Variants in S100B observed in about 807,000 individuals in gnomAD.
S100B encodes S100 calcium binding protein B.
A neutral mutation model predicts 7.7 loss-of-function variants in S100B; 6 were observed. The ratio of observed to expected loss-of-function variants is 0.78; its 90% CI spans 0.43 to 1.54. The LOEUF is 1.54. Ranked by LOEUF, S100B falls within the 40% of genes most tolerant of loss-of-function variation. The pLI, the probability that S100B is intolerant of heterozygous loss-of-function variation, is 0.01. For synonymous variants in S100B, 36 were observed against 40.4 expected, an observed-to-expected ratio of 0.89 and a Z score of 0.41; for missense variants, 99 against 111.8, an observed-to-expected ratio of 0.89 and a Z score of 0.52.
chr21:46,599,101 C>T lies in S100B; in HGVS notation c.*262G>A. On this transcript the variant is annotated 3_prime_UTR_variant, in exon 3 of 3. Transcript: ENST00000291700. The stretch of plus-strand genomic sequence containing the variant: ...ACGGTGCACGCTTTATCACTGAGAC[C>T]TGACTCCTAAGTTACTGTTAACAAG... 2.0e-6 allele frequency: 1 copy of T among 495,892 alleles called. No homozygotes were observed. The highest frequency in any genetic ancestry group is 3.5e-6 in the Non-Finnish European group (1 of 281,808). 30.7% of individuals were successfully genotyped at this position (495,892 alleles called of 1,614,324 possible).
chr21:46,604,619 A>G (rs1003924176), intron 1 of S100B, among the ~76,000 whole-genome samples: 2 of 152,212 alleles, frequency 1.3e-5, no homozygotes, highest in African/African-American at 4.8e-5. Context: ...GCATTTATTT[A>G]TGATATAGGA....
chr21:46,599,556 C>T lies in S100B; in HGVS notation c.139-53G>A, dbSNP rs2061035962. ...CTTGTTTTTAAATGGAATTTTGGAC[C>T]ATCAAAACATGATTAAAAGTTGAGT... is the stretch of plus-strand genomic sequence containing the variant. On this transcript the variant is annotated intron_variant, in intron 2 of 2. Transcript: ENST00000291700. 2.0e-6 allele frequency: 3 copies of T among 1,522,634 alleles called. No individual in the cohort carries two copies. In the Admixed American group the frequency reaches 5.1e-5, roughly 26 times the overall value. 94.3% of individuals were successfully genotyped at this position (1,522,634 alleles called of 1,614,324 possible). A position where few individuals can be genotyped will look rare whatever the true frequency, so the allele number is the denominator to read the frequency against.
intron 2 of S100B, chr21:46,600,187 C>T (rs531490022): frequency 3.1e-5 from 9 of 287,534 alleles, no homozygotes; most frequent in South Asian, 5.6e-5. Flanking sequence ...AACAATTCTC[C>T]GGGATAGGAA....
At chr21:46,603,432 AAAGT>A (rs1348437408) in intron 1 of S100B, among the ~76,000 whole-genome samples, 4 of 113,188 alleles carry the variant, frequency 3.5e-5, no homozygotes, top group South Asian at 3.6e-4. Context: ...TGCAGCTGTC[AAAGT>A]AAGAGCCCCC....
chr21:46,604,365 T>G (rs536106201), intron 1 of S100B, among the ~76,000 whole-genome samples: 1 of 152,328 alleles, frequency 6.6e-6, no homozygotes, highest in African/African-American at 2.4e-5. Context: ...GAAAGACAAG[T>G]TACCTAGCGT....
At position 46,599,218 on chromosome 21, in the gene S100B, A is replaced by AT. The variant is rs902682864; in HGVS notation, c.*144dup. On this transcript the variant is annotated 3_prime_UTR_variant, in exon 3 of 3. Transcript: ENST00000291700. ...AACAGCCTTTGGAAAGAGGTTTTCA[A>AT]TTTTTCAATCACAAAGCAAATCAAG... 1.0e-5 allele frequency: 8 copies of AT among 769,738 alleles called. No individual in the cohort carries two copies. Among genetic ancestry groups the AT allele is most frequent in the Non-Finnish European group, 4.3e-6 (2 of 468,272 alleles). The allele number at this position is 769,738 out of a possible 1,614,324, so 47.7% of individuals were successfully genotyped here.
At position 46,602,527 on chromosome 21, in the gene S100B, C is replaced by T. The variant is rs987092315; in HGVS notation, c.-1-111G>A. The T allele has an allele frequency of 1.9e-5, 21 of 1,128,102 alleles. No individual in the cohort carries two copies. The African/African-American group carries it at 2.9e-4, about 16-fold the overall frequency. 69.9% of individuals were successfully genotyped at this position (1,128,102 alleles called of 1,614,324 possible). On this transcript the variant is annotated intron_variant, in intron 1 of 2. Transcript: ENST00000291700. ...GACAAGGGGGATGGAATGGCCTTGGCACTCTTTTCAAGCTCAGAGCAGCAG... is the reference window on the plus strand; with the variant it reads ...GACAAGGGGGATGGAATGGCCTTGGTACTCTTTTCAAGCTCAGAGCAGCAG...
At position 46,602,764 on chromosome 21, in the gene S100B, G is replaced by A. The variant is rs980927272; in HGVS notation, c.-1-348C>T. 4.5e-4 allele frequency: 87 copies of A among 194,564 alleles called. 1 individual carries two copies. In the Admixed American group the frequency reaches 4.7e-3, roughly 10 times the overall value. 12.1% of individuals were successfully genotyped at this position (194,564 alleles called of 1,614,324 possible). A position where few individuals can be genotyped will look rare whatever the true frequency, so the allele number is the denominator to read the frequency against. ...GGGAATTCAGGGATTAATTTCCCCT[G>A]AATTAATCCCCACAGGGTCCCTCTC... is the stretch of plus-strand genomic sequence containing the variant. On this transcript the variant is annotated intron_variant, in intron 1 of 2. Transcript: ENST00000291700.
chr21:46,603,398 T>TGGGGGGAGGGGGGGGGCGGGGGGGGGGGG, intron 1 of S100B, among the ~76,000 whole-genome samples: 1 of 52,066 alleles, frequency 1.9e-5, no homozygotes, highest in Admixed American at 2.2e-4. Context: ...CGGGAGGGGG[T>TGGGGGGAGGGGGGGGGCGGGGGGGGGGGG]GGGGGCAGGA....
intron 2 of S100B, among the ~76,000 whole-genome samples, chr21:46,601,893 A>G (rs1385405142): frequency 6.6e-6 from 1 of 152,256 alleles, no homozygotes; most frequent in Admixed American, 6.5e-5. Flanking sequence ...TCTTATCTCC[A>G]TAGCAAATAC....
At chr21:46,603,398 T>TGGGGGGAGGGGGTGGCGGGGGGGGGGGG in intron 1 of S100B, among the ~76,000 whole-genome samples, 1 of 52,068 alleles carries the variant, frequency 1.9e-5, no homozygotes, top group Non-Finnish European at 3.8e-5. Flanking sequence ...CGGGAGGGGG[T>TGGGGGGAGGGGGTGGCGGGGGGGGGGGG]GGGGGCAGGA....
At chr21:46,600,061 T>C (rs2061037219) in intron 2 of S100B, among the ~76,000 whole-genome samples, 2 of 152,168 alleles carry the variant, frequency 1.3e-5, no homozygotes, top group Admixed American at 6.5e-5. Flanking sequence ...GCCAAATGAA[T>C]GGTGTGGCTG....
At chr21:46,602,597 A>C in intron 1 of S100B, 181 bp from the exon 2 acceptor site, 1 of 570,892 alleles carries the variant, frequency 1.8e-6, no homozygotes. Flanking sequence ...TTTTATCATA[A>C]TCCTTCCACC....
rs2061035437 is a variant in S100B, at chr21:46,599,409, A to G, written c.233T>C (p.Val78Ala). 8 of 1,613,786 alleles carry G rather than the reference A, an allele frequency of 5.0e-6. No individual in the cohort carries two copies. Among genetic ancestry groups the G allele is most frequent in the Non-Finnish European group, 5.1e-6 (6 of 1,179,658 alleles). The change falls in exon 3 of 3, where the codon GTT becomes GCT. Residue 78 changes from valine (V) to alanine (A), a missense_variant. Coordinates refer to ENST00000291700, the MANE Select transcript of S100B (RefSeq NM_006272.3). The stretch of plus-strand genomic sequence containing the variant: ...GTGGCAGGCAGTAGTAACCATGGCA[A>G]CAAAGGCCATGAATTCCTGGAAGTC... ...ECDFQEFMAF[V>A]AMVTTACHEF...
At chr21:46,600,787 T>C (rs529120780) in intron 2 of S100B, among the ~76,000 whole-genome samples, 1 of 152,304 alleles carries the variant, frequency 6.6e-6, no homozygotes, top group South Asian at 2.1e-4. Context: ...TTTCTATGTA[T>C]AAAAATAATA....
intron 1 of S100B, chr21:46,602,945 T>C (rs1337137216): frequency 1.3e-5 from 2 of 153,030 alleles, no homozygotes; most frequent in African/African-American, 4.8e-5. Context: ...AGTAAAGAAG[T>C]AGAAAATACA....
intron 2 of S100B, among the ~76,000 whole-genome samples, chr21:46,601,399 C>T (rs772958373): frequency 2.0e-5 from 3 of 152,136 alleles, no homozygotes; most frequent in East Asian, 3.8e-4. Flanking sequence ...TGGCTCAAGG[C>T]GTGCCTCAAG....
At position 46,602,432 on chromosome 21, in the gene S100B, G is replaced by A; in HGVS notation, c.-1-16C>T. The stretch of plus-strand genomic sequence containing the variant: ...CTCAGACATCCTAGGGGCTCGCAAA[G>A]GAAAGTTGCCTTCTCATCTATACCT... On this transcript the variant is annotated splice_polypyrimidine_tract_variant and intron_variant, in intron 1 of 2. Transcript: ENST00000291700. The A allele has an allele frequency of 6.2e-7, 1 of 1,609,238 alleles. No individual in the cohort carries two copies. Among genetic ancestry groups the A allele is most frequent in the Non-Finnish European group, 8.5e-7 (1 of 1,178,530 alleles).
intron 1 of S100B, among the ~76,000 whole-genome samples, chr21:46,604,458 T>C (rs1213500280): frequency 1.3e-5 from 2 of 152,288 alleles, no homozygotes; most frequent in Admixed American, 6.5e-5. Context: ...AAAACCCCGA[T>C]TTCTTTGACC....
Sources: allele counts gnomAD v4.1 joint callset (sites outside exome capture counted in the v4.1 genomes callset), GRCh38; gene constraint gnomAD v4.1.1; transcripts MANE v1.5; gene names NCBI Gene and HGNC (gene_info 2026-07-23, HGNC 2026-07-21).